Variants in ZNF787 observed in about 807,000 individuals in gnomAD.
The protein encoded by ZNF787 is TTF-I-interacting peptide 20.
ZNF787 carries 7 observed loss-of-function variants against 16.9 expected under a neutral mutation model. The observed-to-expected ratio is 0.42, with a 90% CI of 0.24 to 0.78. ZNF787 has a LOEUF of 0.78. ZNF787 is among the 30% of genes least tolerant of loss of function. The pLI, the probability that ZNF787 is intolerant of heterozygous loss-of-function variation, is 0.30. For missense variants in ZNF787, 551 were observed against 589.3 expected, an observed-to-expected ratio of 0.94 and a Z score of 0.67; for synonymous variants, 345 against 270.9, an observed-to-expected ratio of 1.27 and a Z score of -2.69.
At chr19:56,109,210 C>T (rs977895099) in intron 1 of ZNF787, among the ~76,000 whole-genome samples, 1 of 152,172 alleles carries the variant, frequency 6.6e-6, no homozygotes, top group African/African-American at 2.4e-5. Context: ...TCTTGGACAG[C>T]GGCTGGGGCT....
At chr19:56,115,094 C>G (rs962295435) in intron 1 of ZNF787, among the ~76,000 whole-genome samples, 12 of 152,142 alleles carry the variant, frequency 7.9e-5, no homozygotes, top group Non-Finnish European at 1.3e-4. Context: ...CGGGACATCT[C>G]TGTGACACCA....
intron 1 of ZNF787, among the ~76,000 whole-genome samples, chr19:56,108,336 C>G (rs1264991448): frequency 2.2e-5 from 3 of 136,826 alleles, no homozygotes; most frequent in Non-Finnish European, 4.7e-5. Context: ...CAGAGCTCCC[C>G]GGCTCCCTCC....
chr19:56,111,693 T>C (rs775707561), intron 1 of ZNF787, among the ~76,000 whole-genome samples: 7 of 151,950 alleles, frequency 4.6e-5, no homozygotes, highest in Non-Finnish European at 8.8e-5. Flanking sequence ...GGGCCCACAC[T>C]GCTCTGCATC....
At chr19:56,100,324 T>C (rs1488097070) in intron 2 of ZNF787, among the ~76,000 whole-genome samples, 1 of 151,050 alleles carries the variant, frequency 6.6e-6, no homozygotes. Context: ...GGCTGACACC[T>C]CCTGCTGCTG....
At position 56,120,605 on chromosome 19, in the gene ZNF787, G is replaced by C. The variant is rs574394484; in HGVS notation, c.-11+567C>G. 1.3e-3 allele frequency among the ~76,000 whole-genome samples: 202 copies of C among 151,772 alleles called. 2 individuals carry two copies. Among genetic ancestry groups the C allele is most frequent in the Admixed American group, 0.012 (187 of 15,284 alleles). ...GCGCAGCCCGCCCGGGGCAGCAACG[G>C]GACCCGGGCTGACTCGAAAAGGGGA... is the stretch of plus-strand genomic sequence containing the variant. On this transcript the variant is annotated intron_variant, in intron 1 of 2. Transcript: ENST00000610935.
In ZNF787 at chr19:56,088,761, G is replaced by A; in HGVS notation, c.411C>T (p.Leu137=). ...CGKRFSWSSN[L]MQHQRIHTGE... is the part of the protein sequence containing the mutation. The stretch of plus-strand genomic sequence containing the variant: ...CCGTGTGGATGCGCTGGTGCTGCAT[G>A]AGGTTGGAGCTCCAGCTGAAGCGCT... The change falls in exon 3 of 3, where the codon CTC becomes CTT. Residue 137 remains leucine, a synonymous_variant. Coordinates refer to ENST00000610935, the MANE Select transcript of ZNF787 (RefSeq NM_001002836.4). The surrounding 1 kb of genome is among the most constrained non-coding windows in gnomAD (Gnocchi z 8.6). 1.9e-6 allele frequency: 3 copies of A among 1,610,712 alleles called. No individual in the cohort carries two copies. The highest frequency in any genetic ancestry group is 2.5e-6 in the Non-Finnish European group (3 of 1,178,882).
intron 2 of ZNF787, among the ~76,000 whole-genome samples, chr19:56,099,814 G>A (rs1267625983): frequency 6.6e-6 from 1 of 152,112 alleles, no homozygotes; most frequent in Non-Finnish European, 1.5e-5. Context: ...GGCCGTGTCA[G>A]GGGTCCAAGA....
At chr19:56,092,593 A>C (rs1345206420) in intron 2 of ZNF787, among the ~76,000 whole-genome samples, 1 of 151,206 alleles carries the variant, frequency 6.6e-6, no homozygotes, top group African/African-American at 2.4e-5. Context: ...ATTCAGGACT[A>C]AAGTTTTCAT....
intron 1 of ZNF787, among the ~76,000 whole-genome samples, chr19:56,114,200 G>C (rs1179789461): frequency 2.6e-5 from 4 of 152,152 alleles, no homozygotes; most frequent in Admixed American, 6.5e-5. Flanking sequence ...AGCTGGCCCG[G>C]ATCTCGCTGT....
At chr19:56,109,949 C>G (rs2029931645) in intron 1 of ZNF787, among the ~76,000 whole-genome samples, 2 of 152,188 alleles carry the variant, frequency 1.3e-5, no homozygotes, top group Non-Finnish European at 2.9e-5. Context: ...TTCTCAGACT[C>G]TGCCAGAGAC....
chr19:56,094,328 G>C lies in ZNF787; in HGVS notation c.80-5236C>G, dbSNP rs565631881. Among the ~76,000 whole-genome samples the C allele has an allele frequency of 9.1e-3, 1,342 of 147,652 alleles. 7 individuals carry two copies. The highest frequency in any genetic ancestry group is 0.026 in the South Asian group (118 of 4,568). On this transcript the variant is annotated intron_variant, in intron 2 of 2. Coordinates refer to ENST00000610935, the MANE Select transcript of ZNF787 (RefSeq NM_001002836.4). ...ATTACAGGCATGAGCCACCATACCT[G>C]GCTAATTTTGTGTGTGTGTGCTCTT...
At chr19:56,097,322 T>A (rs1293905595) in intron 2 of ZNF787, among the ~76,000 whole-genome samples, 1 of 152,074 alleles carries the variant, frequency 6.6e-6, no homozygotes, top group African/African-American at 2.4e-5. Flanking sequence ...CAGAAAAAAA[T>A]CACAAAATTT....
chr19:56,100,300 T>C (rs1387931903), intron 2 of ZNF787, among the ~76,000 whole-genome samples: 2 of 74,892 alleles, frequency 2.7e-5, no homozygotes, highest in African/African-American at 9.2e-5. Context: ...AGGGCTGGGG[T>C]TGGCAAGTGC....
At chr19:56,098,800 A>G (rs1257427025) in intron 2 of ZNF787, among the ~76,000 whole-genome samples, 3 of 128,548 alleles carry the variant, frequency 2.3e-5, no homozygotes, top group Non-Finnish European at 5.2e-5. Flanking sequence ...TTACGGCCGC[A>G]GGGTGATGCT....
At chr19:56,107,823 G>T (rs543133165) in intron 1 of ZNF787, among the ~76,000 whole-genome samples, 5 of 151,912 alleles carry the variant, frequency 3.3e-5, no homozygotes, top group Non-Finnish European at 5.9e-5. Context: ...GGCCGGGCAT[G>T]CTGGGGGCTG....
At chr19:56,101,973 G>C (rs1986115871) in intron 2 of ZNF787, 2 of 152,178 alleles carry the variant, frequency 1.3e-5, no homozygotes, top group African/African-American at 4.8e-5. Flanking sequence ...TGGGCATGCG[G>C]TCCTGGCAAC....
intron 2 of ZNF787, among the ~76,000 whole-genome samples, chr19:56,090,427 A>G (rs868630160): frequency 3.9e-5 from 6 of 151,944 alleles, no homozygotes; most frequent in Admixed American, 1.3e-4. Context: ...CCACCGCTAA[A>G]TCCCCCACCC....
At chr19:56,106,257 T>TGCCAGCGTGTCGC (rs1424314526) in intron 1 of ZNF787, among the ~76,000 whole-genome samples, 2 of 152,212 alleles carry the variant, frequency 1.3e-5, no homozygotes, top group Non-Finnish European at 2.9e-5. Flanking sequence ...TGCTGCGGCG[T>TGCCAGCGTGTCGC]GCCAGCGTGT....
intron 1 of ZNF787, among the ~76,000 whole-genome samples, chr19:56,112,599 G>T (rs557465159): frequency 6.9e-6 from 1 of 144,766 alleles, no homozygotes; most frequent in African/African-American, 2.6e-5. Flanking sequence ...GGCCCTCCGT[G>T]GCCCTCCCTG....
Sources: allele counts gnomAD v4.1 joint callset (sites outside exome capture counted in the v4.1 genomes callset), GRCh38; gene constraint gnomAD v4.1.1; non-coding constraint Gnocchi (gnomAD v3.1); transcripts MANE v1.5; gene names NCBI Gene and HGNC (gene_info 2026-07-23, HGNC 2026-07-21).